PADI1: variants seen among roughly 807,000 people sequenced by gnomAD.
PADI1 encodes protein-arginine deiminase type-1.
A neutral mutation model predicts 74.8 loss-of-function variants in PADI1; 65 were observed. The ratio of observed to expected loss-of-function variants is 0.87; its 90% CI spans 0.71 to 1.07. The LOEUF is 1.07. PADI1 is among the 50% of genes least tolerant of loss of function. PADI1 has a pLI of 0.00. For synonymous variants in PADI1, 371 were observed against 336.2 expected (o/e 1.10, Z -1.13); for missense variants, 943 against 854.0 (o/e 1.10, Z -1.30).
At chr1:17,241,596 A>G (rs1455125602) in intron 15 of PADI1, among the ~76,000 whole-genome samples, 1 of 50,726 alleles carries the variant, frequency 2.0e-5, no homozygotes, top group Non-Finnish European at 3.6e-5. Context: ...GGATGGAATC[A>G]GGGTTGGAAG....
Position 17,244,210 on chromosome 1 carries a change from C to T in PADI1, c.1959C>T (p.Pro653=), listed in dbSNP as rs150167702. The T allele has an allele frequency of 8.9e-5, 144 of 1,614,040 alleles. No homozygotes were observed. Among genetic ancestry groups the T allele is most frequent in the Non-Finnish European group, 6.3e-5 (74 of 1,180,004 alleles). Residue 653 remains proline (P), a synonymous_variant, in exon 16 of 16, where the codon CCC becomes CCT. Transcript: ENST00000375471. The stretch of plus-strand genomic sequence containing the variant: ...GTGGCACCAACGTGCGCAGGAAGCC[C>T]TTTCCCTTCAAATGGTGGAACATGG... ...IHCGTNVRRK[P]FPFKWWNMVP
In PADI1 at chr1:17,230,105, C is replaced by G; in HGVS notation, c.950C>G (p.Ser317Cys). The G allele has an allele frequency of 6.2e-7, 1 of 1,613,878 alleles. No individual in the cohort carries two copies. Among genetic ancestry groups the G allele is most frequent in the Non-Finnish European group, 8.5e-7 (1 of 1,179,774 alleles). ...YVCRVMDTHG[S>C]NEKFLEDMSY... ...TACAGAGTGATGGACACTCATGGCT[C>G]CAATGAGAAATTCCTGGAGGACATG... is the stretch of plus-strand genomic sequence containing the variant. Residue 317 changes from serine to cysteine, a missense_variant, in exon 9 of 16, where the codon TCC becomes TGC. By Grantham distance (112) the Ser-to-Cys change is moderately radical. Coordinates refer to ENST00000375471, the MANE Select transcript of PADI1 (RefSeq NM_013358.3).
At chr1:17,223,459 A>C in intron 2 of PADI1, 162 bp from the exon 3 acceptor site, 1 of 617,470 alleles carries the variant, frequency 1.6e-6, no homozygotes, top group South Asian at 1.9e-5. Flanking sequence ...GGTAGCTCTG[A>C]ATCCCAGCCG....
At position 17,235,277 on chromosome 1, in the gene PADI1, A is replaced by AGGAAGGAG. The variant is rs1553129540; in HGVS notation, c.1314-2030_1314-2029insGGGAAGGA. On this transcript the variant is annotated intron_variant, in intron 11 of 15. Coordinates refer to ENST00000375471, the MANE Select transcript of PADI1 (RefSeq NM_013358.3). ...AGGGAGGAAGGGAAGGAAGGAAGGA[A>AGGAAGGAG]GGAAGGAAGGAAGGAGGGAAGGAAG... Among the ~76,000 whole-genome samples, 168 of 100,208 alleles carry AGGAAGGAG rather than the reference A, an allele frequency of 1.7e-3. 9 individuals carry two copies. The highest frequency in any genetic ancestry group is 7.4e-3 in the African/African-American group (166 of 22,342). The allele number at this position is 100,208 out of a possible 152,430, so 65.7% of individuals were successfully genotyped here. A position where few individuals can be genotyped will look rare whatever the true frequency, so the allele number is the denominator to read the frequency against.
intron 3 of PADI1, 68 bp downstream of exon 3, chr1:17,223,761 A>G (rs1048503921): frequency 7.6e-7 from 1 of 1,317,360 alleles, no homozygotes; most frequent in Non-Finnish European, 1.1e-6. Context: ...TGAGGGTCTT[A>G]GTGGATTCCT....
intron 10 of PADI1, among the ~76,000 whole-genome samples, chr1:17,232,405 T>C (rs1439345256): frequency 6.6e-6 from 1 of 152,204 alleles, no homozygotes; most frequent in East Asian, 1.9e-4. Flanking sequence ...ACGCTCAGTT[T>C]AAATACACAT....
chr1:17,244,551 C>A lies in PADI1; in HGVS notation c.*308C>A. The A allele has an allele frequency of 2.1e-6, 1 of 473,316 alleles. No homozygotes were observed. The highest frequency in any genetic ancestry group is 4.1e-6 in the Non-Finnish European group (1 of 241,544). The allele number at this position is 473,316 out of a possible 1,614,324, so 29.3% of individuals were successfully genotyped here. A position where few individuals can be genotyped will look rare whatever the true frequency, so the allele number is the denominator to read the frequency against. On this transcript the variant is annotated 3_prime_UTR_variant, in exon 16 of 16. Transcript: ENST00000375471. The stretch of plus-strand genomic sequence containing the variant: ...GCTGTGGGAGGCCTAGGGAGATGGG[C>A]CCCACTTAGAATTGCTCCCCCTTCA...
At chr1:17,221,721 GGCCA>G (rs1318029918) in intron 1 of PADI1, among the ~76,000 whole-genome samples, 1 of 152,182 alleles carries the variant, frequency 6.6e-6, no homozygotes, top group Non-Finnish European at 1.5e-5. Flanking sequence ...ACAACAGGAA[GGCCA>G]GCGTGGCTGG....
intron 1 of PADI1, among the ~76,000 whole-genome samples, chr1:17,215,442 G>C (rs889298527): frequency 1.3e-5 from 2 of 151,620 alleles, no homozygotes; most frequent in Non-Finnish European, 1.5e-5. Flanking sequence ...TCCAAATAGG[G>C]GGCTGTGACT....
intron 1 of PADI1, among the ~76,000 whole-genome samples, chr1:17,205,726 C>A (rs966230865): frequency 6.6e-6 from 1 of 152,058 alleles, no homozygotes; most frequent in East Asian, 1.9e-4. Context: ...GGTGAAGGGA[C>A]GTGTGTGGTA....
chr1:17,242,345 C>T (rs1309769983), intron 15 of PADI1, among the ~76,000 whole-genome samples: 1 of 152,232 alleles, frequency 6.6e-6, no homozygotes, highest in Non-Finnish European at 1.5e-5. Context: ...AGTCCAGTAG[C>T]CACTCAGCTA....
chr1:17,239,423 C>T (rs2072725129), intron 13 of PADI1, among the ~76,000 whole-genome samples: 2 of 152,150 alleles, frequency 1.3e-5, no homozygotes, highest in Admixed American at 6.5e-5. Flanking sequence ...AAGTAGGATG[C>T]CCAGAGCATG....
intron 1 of PADI1, among the ~76,000 whole-genome samples, chr1:17,221,474 A>G (rs539214115): frequency 6.6e-6 from 1 of 151,506 alleles, no homozygotes; most frequent in African/African-American, 2.4e-5. Context: ...GTCTCAAGAA[A>G]AAAAAAAAAA....
intron 12 of PADI1, among the ~76,000 whole-genome samples, chr1:17,238,213 T>A (rs150696749): frequency 0.021 from 3,211 of 152,290 alleles, 113 homozygotes; most frequent in African/African-American, 0.072. Context: ...GCTAATTTTT[T>A]GTATTTTAAG....
At chr1:17,211,307 T>C (rs772489472) in intron 1 of PADI1, among the ~76,000 whole-genome samples, 5 of 152,164 alleles carry the variant, frequency 3.3e-5, no homozygotes, top group Admixed American at 6.5e-5. Flanking sequence ...CCTCCCAGGT[T>C]GAAGCAATTC....
At chr1:17,229,348 G>A (rs1027206397) in intron 8 of PADI1, among the ~76,000 whole-genome samples, 1 of 152,226 alleles carries the variant, frequency 6.6e-6, no homozygotes, top group South Asian at 2.1e-4. Flanking sequence ...CTGGGCAGTG[G>A]AGCCAGGCCC....
In PADI1 at chr1:17,244,556, C is replaced by G; in HGVS notation, c.*313C>G. ...GGGAGGCCTAGGGAGATGGGCCCCA[C>G]TTAGAATTGCTCCCCCTTCATTCTG... is the stretch of plus-strand genomic sequence containing the variant. On this transcript the variant is annotated 3_prime_UTR_variant, in exon 16 of 16. Transcript: ENST00000375471. The G allele has an allele frequency of 4.3e-6, 2 of 462,294 alleles. No homozygotes were observed. Among genetic ancestry groups the G allele is most frequent in the Non-Finnish European group, 8.5e-6 (2 of 235,502 alleles). The allele number at this position is 462,294 out of a possible 1,614,324, so 28.6% of individuals were successfully genotyped here.
At chr1:17,233,791 A>AGTGCT (rs2072564575) in intron 11 of PADI1, among the ~76,000 whole-genome samples, 1 of 152,272 alleles carries the variant, frequency 6.6e-6, no homozygotes, top group African/African-American at 2.4e-5. Flanking sequence ...GGAGTCAGGC[A>AGTGCT]GTGCTGAGAA....
chr1:17,216,109 G>T (rs1295624502), intron 1 of PADI1, among the ~76,000 whole-genome samples: 1 of 152,142 alleles, frequency 6.6e-6, no homozygotes, highest in Admixed American at 6.5e-5. Flanking sequence ...TTGAAGAACG[G>T]CAGGAACAAG....
Sources: allele counts gnomAD v4.1 joint callset (sites outside exome capture counted in the v4.1 genomes callset), GRCh38; gene constraint gnomAD v4.1.1; transcripts MANE v1.5; gene names NCBI Gene and HGNC (gene_info 2026-07-23, HGNC 2026-07-21).